SLC24A3: variants seen among roughly 807,000 people sequenced by gnomAD.
SLC24A3 encodes the protein solute carrier family 24 member 3.
A neutral mutation model predicts 75.8 loss-of-function variants in SLC24A3; 28 were observed. The observed-to-expected ratio is 0.37, with a 90% CI of 0.27 to 0.51. The LOEUF (loss-of-function observed/expected upper bound fraction) is 0.51. SLC24A3 is among the 20% of genes least tolerant of loss of function. SLC24A3 has a pLI of 0.94. For synonymous variants in SLC24A3, 372 were observed against 334.1 expected, an observed-to-expected ratio of 1.11 and a Z score of -1.24; for missense variants, 663 against 847.8, an observed-to-expected ratio of 0.78 and a Z score of 2.71.
At chr20:19,490,282 T>C (rs1988191104) in intron 2 of SLC24A3, among the ~76,000 whole-genome samples, 1 of 152,126 alleles carries the variant, frequency 6.6e-6, no homozygotes, top group Non-Finnish European at 1.5e-5. Flanking sequence ...AAAAAATGGC[T>C]CCTGGTTTAT....
intron 3 of SLC24A3, among the ~76,000 whole-genome samples, chr20:19,566,116 A>C (rs2030953975): frequency 6.6e-6 from 1 of 152,216 alleles, no homozygotes; most frequent in East Asian, 1.9e-4. Flanking sequence ...AAGTAAACTA[A>C]ACTGTCCCAA....
At chr20:19,460,884 C>A (rs1351704543) in intron 2 of SLC24A3, among the ~76,000 whole-genome samples, 2 of 152,198 alleles carry the variant, frequency 1.3e-5, no homozygotes, top group Admixed American at 1.3e-4. Context: ...TTGACCAGGC[C>A]TCCTCCAGTT....
intron 3 of SLC24A3, among the ~76,000 whole-genome samples, chr20:19,519,105 G>A (rs768969609): frequency 1.3e-5 from 2 of 152,110 alleles, no homozygotes; most frequent in Non-Finnish European, 2.9e-5. Context: ...CTGGACCAGA[G>A]GGCCTAGTCC....
At chr20:19,592,768 T>C (rs1421617991) in intron 6 of SLC24A3, among the ~76,000 whole-genome samples, 1 of 151,216 alleles carries the variant, frequency 6.6e-6, no homozygotes, top group African/African-American at 2.4e-5. Context: ...ACTGCCTACA[T>C]CTTCGGCAAA....
chr20:19,239,522 G>T (rs1982272578), intron 1 of SLC24A3, among the ~76,000 whole-genome samples: 1 of 152,212 alleles, frequency 6.6e-6, no homozygotes. Context: ...AGAAGAGGGT[G>T]CTTCTTCGGG....
At chr20:19,293,655 C>CA (rs760339037) in intron 2 of SLC24A3, among the ~76,000 whole-genome samples, 3,958 of 57,326 alleles carry the variant, frequency 0.069, 107 homozygotes, top group African/African-American at 0.11. Flanking sequence ...AACTTCGTCT[C>CA]AAAAAAAAAA....
chr20:19,445,682 A>G (rs1987370609), intron 2 of SLC24A3, among the ~76,000 whole-genome samples: 1 of 152,196 alleles, frequency 6.6e-6, no homozygotes, highest in African/African-American at 2.4e-5. Flanking sequence ...AGCAGACAAC[A>G]GGTGCATTGA....
Position 19,344,398 on chromosome 20 carries a change from A to G in SLC24A3, c.271+63311A>G, listed in dbSNP as rs374345866. ...AGTGAAACCATAACTACATATGTAC[A>G]TGGCTTGGTCTTGGGTTGGGGTTCC... is the stretch of plus-strand genomic sequence containing the variant. On this transcript the variant is annotated intron_variant, in intron 2 of 16. Coordinates refer to ENST00000328041, the MANE Select transcript of SLC24A3 (RefSeq NM_020689.4). Among the ~76,000 whole-genome samples, 55 of 152,326 alleles carry G rather than the reference A, an allele frequency of 3.6e-4. No individual in the cohort carries two copies. The South Asian group carries it at 0.011, about 31-fold the overall frequency.
At chr20:19,300,183 C>T (rs1447805773) in intron 2 of SLC24A3, among the ~76,000 whole-genome samples, 1 of 152,254 alleles carries the variant, frequency 6.6e-6, no homozygotes, top group Non-Finnish European at 1.5e-5. Context: ...TCTGATTCCC[C>T]TTTCCTTGAA....
rs140223992 is a variant in SLC24A3, at chr20:19,640,898, G to A, written c.613-13164G>A. 2.2e-4 allele frequency among the ~76,000 whole-genome samples: 33 copies of A among 152,274 alleles called. No homozygotes were observed. The East Asian group carries it at 6.4e-3, about 29-fold the overall frequency. ...TCTCCTAAGATTGGAGATACAATTTGTATGTTTGCATGACTTTTGCAACCA... is the reference window on the plus strand; with the variant it reads ...TCTCCTAAGATTGGAGATACAATTTATATGTTTGCATGACTTTTGCAACCA... On this transcript the variant is annotated intron_variant, in intron 6 of 16. Transcript: ENST00000328041.
rs572012426 is a variant in SLC24A3, at chr20:19,317,847, A to G, written c.271+36760A>G. Among the ~76,000 whole-genome samples the G allele has an allele frequency of 8.0e-4, 122 of 152,368 alleles. 1 individual carries two copies. The highest frequency in any genetic ancestry group is 2.8e-3 in the African/African-American group (118 of 41,590). On this transcript the variant is annotated intron_variant, in intron 2 of 16. Coordinates refer to ENST00000328041, the MANE Select transcript of SLC24A3 (RefSeq NM_020689.4). ...TGCCCTCGGGCATCACAGCTGGTAT[A>G]GTAATAGCTGCATTCTCTGGGTCTT...
intron 2 of SLC24A3, among the ~76,000 whole-genome samples, chr20:19,408,800 C>G (rs1327141177): frequency 6.6e-6 from 1 of 152,108 alleles, no homozygotes; most frequent in Non-Finnish European, 1.5e-5. Flanking sequence ...GGGTTATGGA[C>G]AATTTAACAC....
chr20:19,335,663 A>G (rs1198311204), intron 2 of SLC24A3, among the ~76,000 whole-genome samples: 3 of 152,242 alleles, frequency 2.0e-5, no homozygotes, highest in Admixed American at 6.5e-5. Context: ...CAGTGTATTG[A>G]CCAGCTCTTG....
intron 6 of SLC24A3, among the ~76,000 whole-genome samples, chr20:19,632,770 CA>C (rs2031950666): frequency 1.3e-5 from 2 of 152,168 alleles, no homozygotes; most frequent in African/African-American, 4.8e-5. Context: ...GTGTCCCTGA[CA>C]ACAGCTCTGG....
chr20:19,450,105 C>T (rs1421080196), intron 2 of SLC24A3, among the ~76,000 whole-genome samples: 7 of 152,048 alleles, frequency 4.6e-5, no homozygotes, highest in African/African-American at 1.2e-4. Context: ...AGTGAGAGCA[C>T]GGTGATTCAG....
chr20:19,642,082 A>AAG (rs1413439576), intron 6 of SLC24A3, among the ~76,000 whole-genome samples: 1 of 152,208 alleles, frequency 6.6e-6, no homozygotes, highest in Non-Finnish European at 1.5e-5. Context: ...TAAGAAAAAA[A>AAG]AGGCATGTAA....
chr20:19,640,619 G>A (rs561454891), intron 6 of SLC24A3, among the ~76,000 whole-genome samples: 23 of 152,196 alleles, frequency 1.5e-4, no homozygotes, highest in East Asian at 9.7e-4. Flanking sequence ...ATGTGGTGGC[G>A]GATGCCTGTA....
At chr20:19,473,110 C>T (rs569766939) in intron 2 of SLC24A3, among the ~76,000 whole-genome samples, 3 of 152,288 alleles carry the variant, frequency 2.0e-5, no homozygotes, top group African/African-American at 7.2e-5. Context: ...CCTTCCTGAA[C>T]CCCCAGAACC....
intron 2 of SLC24A3, among the ~76,000 whole-genome samples, chr20:19,379,536 C>T (rs1256754912): frequency 5.3e-5 from 8 of 152,100 alleles, no homozygotes; most frequent in Non-Finnish European, 1.2e-4. Flanking sequence ...TTTGTGCTGC[C>T]AGTGATCCTG....
Sources: allele counts gnomAD v4.1 joint callset (sites outside exome capture counted in the v4.1 genomes callset), GRCh38; gene constraint gnomAD v4.1.1; transcripts MANE v1.5; gene names NCBI Gene and HGNC (gene_info 2026-07-23, HGNC 2026-07-21).